The following PLXDC2 variants were observed in gnomAD, a reference collection of about 807,000 sequenced individuals.
PLXDC2 encodes the protein plexin domain containing 2.
Under a neutral mutation model 68.9 loss-of-function variants are expected in PLXDC2, and 40 were observed. That is an observed-to-expected ratio of 0.58 (90% CI 0.45 to 0.76). The LOEUF is 0.76. Ranked by LOEUF, PLXDC2 falls within the 30% of genes least tolerant of loss-of-function variation. The probability of loss-of-function intolerance (pLI) is 0.00; values close to 1 mark genes in which losing one functional copy is unlikely to be tolerated. For missense variants in PLXDC2, 644 were observed against 661.9 expected, an observed-to-expected ratio of 0.97 and a Z score of 0.30; for synonymous variants, 243 against 234.2, an observed-to-expected ratio of 1.04 and a Z score of -0.34.
At chr10:20,193,147 A>G (rs1490047165) in intron 9 of PLXDC2, among the ~76,000 whole-genome samples, 3 of 152,094 alleles carry the variant, frequency 2.0e-5, no homozygotes, top group Non-Finnish European at 4.4e-5. Context: ...AGAACCTAAG[A>G]CAGAACTAGA....
chr10:20,164,936 A>G (rs1352401793), intron 7 of PLXDC2, among the ~76,000 whole-genome samples: 1 of 152,040 alleles, frequency 6.6e-6, no homozygotes. Flanking sequence ...CTACCTCAGT[A>G]TCCTGAGTAG....
intron 1 of PLXDC2, among the ~76,000 whole-genome samples, chr10:19,834,067 C>A (rs1451165833): frequency 6.6e-6 from 1 of 151,734 alleles, no homozygotes; most frequent in African/African-American, 2.4e-5. Context: ...AGCAATGGAA[C>A]CAGTCCTTGT....
rs577969774 is a variant in PLXDC2, at chr10:19,972,920, C to A, written c.113-28855C>A. On this transcript the variant is annotated intron_variant, in intron 1 of 13. Transcript: ENST00000377252. Reference sequence around the variant, plus strand: ...TTCCTATCTACATGTAGTGAATAATCAGAATTAAGAAAAATATCTAAAATT... The same window carrying A: ...TTCCTATCTACATGTAGTGAATAATAAGAATTAAGAAAAATATCTAAAATT... Among the ~76,000 whole-genome samples the A allele has an allele frequency of 1.1e-3, 168 of 152,056 alleles. 1 individual carries two copies. The highest frequency in any genetic ancestry group is 4.0e-3 in the African/African-American group (164 of 41,428).
At chr10:20,213,557 C>A (rs1181802166) in intron 10 of PLXDC2, among the ~76,000 whole-genome samples, 1 of 152,060 alleles carries the variant, frequency 6.6e-6, no homozygotes, top group African/African-American at 2.4e-5. Context: ...GATCTGTAAT[C>A]CATCTATCAA....
intron 1 of PLXDC2, among the ~76,000 whole-genome samples, chr10:19,849,530 C>G (rs928730355): frequency 6.6e-6 from 1 of 152,120 alleles, no homozygotes; most frequent in African/African-American, 2.4e-5. Context: ...TGAACTCATT[C>G]ACTATCCCAT....
At chr10:19,968,917 A>T (rs1834306728) in intron 1 of PLXDC2, among the ~76,000 whole-genome samples, 1 of 152,168 alleles carries the variant, frequency 6.6e-6, no homozygotes, top group East Asian at 1.9e-4. Flanking sequence ...AGGTGGCAAA[A>T]GTTCCCTGGG....
intron 1 of PLXDC2, among the ~76,000 whole-genome samples, chr10:19,896,021 C>T (rs764775375): frequency 5.9e-4 from 90 of 152,136 alleles, no homozygotes; most frequent in Non-Finnish European, 9.8e-4. Flanking sequence ...GGTCGGGGGG[C>T]CCTAGCTGAC....
chr10:20,165,089 C>T (rs923427021), intron 7 of PLXDC2, among the ~76,000 whole-genome samples: 1 of 152,108 alleles, frequency 6.6e-6, no homozygotes, highest in Non-Finnish European at 1.5e-5. Context: ...TCCCAAAGTG[C>T]TAGGATTACA....
chr10:19,970,310 C>T (rs987305924), intron 1 of PLXDC2, among the ~76,000 whole-genome samples: 1 of 152,202 alleles, frequency 6.6e-6, no homozygotes. Context: ...TCAACTGCCT[C>T]ATCATCATCA....
At chr10:19,979,440 G>A (rs1834512391) in intron 1 of PLXDC2, among the ~76,000 whole-genome samples, 1 of 150,434 alleles carries the variant, frequency 6.6e-6, no homozygotes, top group African/African-American at 2.5e-5. Context: ...GTGCAGTGGT[G>A]CAATTTCTGC....
rs557025491 is a variant in PLXDC2 at position 19,919,924 on chromosome 10, A to G, written c.113-81851A>G. 1.1e-4 allele frequency among the ~76,000 whole-genome samples: 17 copies of G among 152,360 alleles called. No individual in the cohort carries two copies. In the East Asian group the frequency reaches 2.9e-3, roughly 26 times the overall value. On this transcript the variant is annotated intron_variant, in intron 1 of 13. Transcript: ENST00000377252. ...GTTTGAAAAGTCAGACATTTATGAT[A>G]CTGCAGAGTTGTTGATTTAGGAGGA...
At chr10:19,903,979 A>T (rs954321959) in intron 1 of PLXDC2, among the ~76,000 whole-genome samples, 2 of 151,922 alleles carry the variant, frequency 1.3e-5, no homozygotes, top group Non-Finnish European at 2.9e-5. Context: ...ATTTCCATCT[A>T]TTTGTGTGGT....
intron 1 of PLXDC2, among the ~76,000 whole-genome samples, chr10:19,822,616 C>T (rs1836490692): frequency 6.6e-6 from 1 of 152,132 alleles, no homozygotes; most frequent in Admixed American, 6.5e-5. Context: ...GCCTTTTCTC[C>T]ACATCCTCAC....
chr10:19,898,097 G>A (rs895666774), intron 1 of PLXDC2, among the ~76,000 whole-genome samples: 9 of 152,080 alleles, frequency 5.9e-5, no homozygotes, highest in Non-Finnish European at 2.9e-5. Context: ...TTATTTCCAA[G>A]TAGACAGACA....
chr10:20,133,336 A>G (rs1453792590), intron 4 of PLXDC2, among the ~76,000 whole-genome samples: 1 of 152,118 alleles, frequency 6.6e-6, no homozygotes, highest in Non-Finnish European at 1.5e-5. Context: ...GTTAGTTTCT[A>G]TCATTTCATT....
chr10:20,078,563 T>TGTAA (rs1279525807), intron 4 of PLXDC2, among the ~76,000 whole-genome samples: 1 of 152,176 alleles, frequency 6.6e-6, no homozygotes, highest in Non-Finnish European at 1.5e-5. Context: ...GATACAATAT[T>TGTAA]GTAAGTGTAT....
At chr10:20,063,102 A>G (rs1418840284) in intron 3 of PLXDC2, among the ~76,000 whole-genome samples, 1 of 152,184 alleles carries the variant, frequency 6.6e-6, no homozygotes, top group African/African-American at 2.4e-5. Context: ...AAACGTAATT[A>G]TTTGAATGAT....
chr10:19,876,240 ATCTTT>A (rs1186689809), intron 1 of PLXDC2, among the ~76,000 whole-genome samples: 2 of 152,210 alleles, frequency 1.3e-5, no homozygotes, highest in Non-Finnish European at 2.9e-5. Flanking sequence ...GAGTTTTGCT[ATCTTT>A]GAAATTGATT....
At chr10:20,231,212 G>A (rs532692134) in intron 12 of PLXDC2, among the ~76,000 whole-genome samples, 52 of 150,412 alleles carry the variant, frequency 3.5e-4, no homozygotes, top group Non-Finnish European at 6.5e-4. Context: ...CCTCAAATAT[G>A]TGAAATGCAA....
Sources: gnomAD v4.1 joint callset for allele counts (sites outside exome capture counted in the v4.1 genomes callset) on GRCh38, gnomAD v4.1.1 for gene constraint, MANE v1.5 for transcripts, NCBI Gene and HGNC (gene_info 2026-07-23, HGNC 2026-07-21) for gene names.